GPR158: variants seen among roughly 807,000 people sequenced by gnomAD.
GPR158 encodes the protein G protein-coupled receptor 158.
GPR158 carries 30 observed loss-of-function variants against 78.2 expected under a neutral mutation model. That is an observed-to-expected ratio of 0.38 (90% confidence interval 0.29 to 0.52). GPR158 has a LOEUF of 0.52. Ranked by LOEUF, GPR158 falls within the 20% of genes least tolerant of loss-of-function variation. The pLI is 0.83. For synonymous variants in GPR158, 581 were observed against 591.1 expected (o/e 0.98, Z 0.25); for missense variants, 1,463 against 1,523.5 (o/e 0.96, Z 0.66).
intron 1 of GPR158, among the ~76,000 whole-genome samples, chr10:25,193,591 CAT>C (rs774365098): frequency 3.2e-4 from 49 of 152,332 alleles, no homozygotes; most frequent in South Asian, 1.9e-3. Context: ...GTTGTGGTAA[CAT>C]AGAAACATGT....
intron 1 of GPR158, among the ~76,000 whole-genome samples, chr10:25,190,516 A>G (rs1852759718): frequency 6.6e-6 from 1 of 152,072 alleles, no homozygotes; most frequent in Admixed American, 6.5e-5. Flanking sequence ...TATTTTTTGT[A>G]GAGATGGGAT....
chr10:25,481,763 C>T (rs1348924712), intron 5 of GPR158, among the ~76,000 whole-genome samples: 1 of 152,180 alleles, frequency 6.6e-6, no homozygotes, highest in Non-Finnish European at 1.5e-5. Flanking sequence ...GTTTCAACTT[C>T]TCCATATCCA....
intron 2 of GPR158, among the ~76,000 whole-genome samples, chr10:25,327,161 G>A (rs1236849192): frequency 1.3e-5 from 2 of 151,894 alleles, no homozygotes; most frequent in South Asian, 2.1e-4. Flanking sequence ...GTGAAAGAAA[G>A]CACACACACA....
chr10:25,187,776 T>G (rs1229566937), intron 1 of GPR158, among the ~76,000 whole-genome samples: 3 of 152,218 alleles, frequency 2.0e-5, no homozygotes, highest in African/African-American at 7.2e-5. Flanking sequence ...TTGGAAGTTC[T>G]GGCCAGGGCA....
At chr10:25,557,949 C>G (rs1476010312) in intron 6 of GPR158, among the ~76,000 whole-genome samples, 1 of 152,240 alleles carries the variant, frequency 6.6e-6, no homozygotes, top group Non-Finnish European at 1.5e-5. Context: ...TTTGTCCCAT[C>G]TGCAGATGTC....
At chr10:25,376,890 T>A (rs1834088293) in intron 2 of GPR158, among the ~76,000 whole-genome samples, 1 of 151,586 alleles carries the variant, frequency 6.6e-6, no homozygotes, top group Admixed American at 6.6e-5. Flanking sequence ...GATTTATGTA[T>A]ATAACATATA....
At chr10:25,409,460 A>G (rs1334382822) in intron 3 of GPR158, among the ~76,000 whole-genome samples, 1 of 152,156 alleles carries the variant, frequency 6.6e-6, no homozygotes, top group African/African-American at 2.4e-5. Context: ...TTCACTCTCA[A>G]TATGTATTCT....
chr10:25,318,116 C>T (rs893420057), intron 2 of GPR158, among the ~76,000 whole-genome samples: 3 of 152,120 alleles, frequency 2.0e-5, no homozygotes, highest in Non-Finnish European at 4.4e-5. Context: ...GCTACCCACT[C>T]TTGTCAGTGA....
intron 6 of GPR158, among the ~76,000 whole-genome samples, chr10:25,553,214 A>G (rs1836748279): frequency 6.6e-6 from 1 of 152,244 alleles, no homozygotes; most frequent in Non-Finnish European, 1.5e-5. Context: ...ATGCACAGAT[A>G]CAGCAGAAAT....
chr10:25,423,136 CATATACATATATATGTATATGTATATAT>C (rs1564451206), intron 4 of GPR158, among the ~76,000 whole-genome samples: 1 of 76,254 alleles, frequency 1.3e-5, no homozygotes, highest in African/African-American at 3.7e-5. Flanking sequence ...TATGTATATA[CATATACATATATATGTATATGTATATAT>C]GTGTGTATAT....
At chr10:25,376,010 A>G (rs1258455801) in intron 2 of GPR158, among the ~76,000 whole-genome samples, 3 of 151,686 alleles carry the variant, frequency 2.0e-5, no homozygotes, top group African/African-American at 4.8e-5. Flanking sequence ...CTTCCAATCC[A>G]TGAACATAGT....
chr10:25,458,894 A>G (rs979673198), intron 4 of GPR158, among the ~76,000 whole-genome samples: 3 of 152,166 alleles, frequency 2.0e-5, no homozygotes, highest in Non-Finnish European at 4.4e-5. Flanking sequence ...GAATTCTCCT[A>G]AAAACCTAAA....
chr10:25,288,710 C>A (rs374673729), intron 2 of GPR158, among the ~76,000 whole-genome samples: 1 of 152,146 alleles, frequency 6.6e-6, no homozygotes, highest in African/African-American at 2.4e-5. Context: ...AAGTAAATAT[C>A]TGTAGTTGGG....
At chr10:25,186,769 T>C (rs980764146) in intron 1 of GPR158, among the ~76,000 whole-genome samples, 8 of 151,944 alleles carry the variant, frequency 5.3e-5, no homozygotes, top group Non-Finnish European at 8.8e-5. Context: ...ACCAGATGGA[T>C]TCACAGCCGA....
rs145473427 is a variant in GPR158, at chr10:25,597,955, G to A, written c.2329G>A (p.Ala777Thr). 6.2e-5 allele frequency: 100 copies of A among 1,613,774 alleles called. 1 individual carries two copies. Among genetic ancestry groups the A allele is most frequent in the South Asian group, 9.9e-5 (9 of 91,078 alleles). ...GTGCTCTAAAGAGGACAAGGAGGGC[G>A]CCGACCATGGCACAGCCAAAGGCAC... ...RQCSKEDKEG[A>T]DHGTAKGTAL... Residue 777 changes from alanine (A) to threonine (T), a missense_variant, in exon 11 of 11, where the codon GCC (alanine) becomes ACC (threonine). By Grantham distance (58) the Ala-to-Thr change is moderately conservative (BLOSUM62 0). Coordinates refer to ENST00000376351, the MANE Select transcript of GPR158 (RefSeq NM_020752.3).
At chr10:25,354,933 T>C (rs1265288511) in intron 2 of GPR158, among the ~76,000 whole-genome samples, 4 of 152,088 alleles carry the variant, frequency 2.6e-5, no homozygotes, top group Non-Finnish European at 5.9e-5. Flanking sequence ...GCCAGACATA[T>C]TGGAACTCCT....
rs185205844 is a variant in GPR158 at position 25,372,265 on chromosome 10, A to G, written c.1009-23646A>G. Reference sequence around the variant, plus strand: ...ACACTTTTACACTGTTGGTGGGACTATAAACTGGTTCAACCATTGTGGAAG... The same window carrying G: ...ACACTTTTACACTGTTGGTGGGACTGTAAACTGGTTCAACCATTGTGGAAG... On this transcript the variant is annotated intron_variant, in intron 2 of 10. Transcript: ENST00000376351. 1.2e-4 allele frequency among the ~76,000 whole-genome samples: 18 copies of G among 152,086 alleles called. No homozygotes were observed. In the East Asian group the frequency reaches 2.7e-3, roughly 23 times the overall value.
intron 4 of GPR158, among the ~76,000 whole-genome samples, chr10:25,416,880 G>A (rs1028264750): frequency 1.3e-5 from 2 of 152,016 alleles, no homozygotes; most frequent in Non-Finnish European, 2.9e-5. Flanking sequence ...ATAAATTAAG[G>A]CTAAGTGAAA....
chr10:25,577,762 A>G (rs561387283), intron 7 of GPR158, among the ~76,000 whole-genome samples: 379 of 152,338 alleles, frequency 2.5e-3, no homozygotes, highest in Non-Finnish European at 4.3e-3. Context: ...TGAAGAAATG[A>G]TTTTAAAACA....
Sources: allele counts gnomAD v4.1 joint callset (sites outside exome capture counted in the v4.1 genomes callset), GRCh38; gene constraint gnomAD v4.1.1; transcripts MANE v1.5; gene names NCBI Gene and HGNC (gene_info 2026-07-23, HGNC 2026-07-21).